The following SNX3 variants were observed in gnomAD, a reference collection of about 807,000 sequenced individuals.
The protein encoded by SNX3 is sorting nexin-3.
SNX3 carries 5 observed loss-of-function variants against 17.7 expected under a neutral mutation model. The ratio of observed to expected loss-of-function variants is 0.28; its 90% CI spans 0.15 to 0.59. SNX3 has a LOEUF of 0.59. Ranked by LOEUF, SNX3 falls within the 20% of genes least tolerant of loss-of-function variation. The pLI, the probability that SNX3 is intolerant of heterozygous loss-of-function variation, is 0.88. For missense variants in SNX3, 132 were observed against 206.8 expected, an observed-to-expected ratio of 0.64 and a Z score of 2.22; for synonymous variants, 91 against 76.5, an observed-to-expected ratio of 1.19 and a Z score of -0.99.
Position 108,260,765 on chromosome 6 carries a change from C to A in SNX3, c.157G>T (p.Val53Phe), listed in dbSNP as rs750300561. Reference sequence around the variant, plus strand: ...GAGGGGAGAGACGGCCTCACCTTGACCCTGATTTCGTAAGTGGTGAAGCGG... The same window carrying A: ...GAGGGGAGAGACGGCCTCACCTTGAACCTGATTTCGTAAGTGGTGAAGCGG... The part of the protein sequence containing the change: ...RGRFTTYEIR[V>F]KTNLPIFKLK... Residue 53 changes from valine (V) to phenylalanine (F), a missense_variant, in exon 1 of 4, where the codon GTC becomes TTC. Physicochemically the swap from Val to Phe is conservative, Grantham distance 50 (BLOSUM62 -1). Around this residue, in one of 2 missense-constraint regions of SNX3, gnomAD observed 78 missense variants for 88.8 expected, o/e 0.88. Coordinates refer to ENST00000230085, the MANE Select transcript of SNX3 (RefSeq NM_003795.6). 6.2e-7 allele frequency: 1 copy of A among 1,613,740 alleles called. No homozygotes were observed.
At chr6:108,248,366 G>T (rs894024362) in intron 1 of SNX3, among the ~76,000 whole-genome samples, 2 of 152,166 alleles carry the variant, frequency 1.3e-5, no homozygotes, top group Admixed American at 1.3e-4. Context: ...GGACAGTTCT[G>T]GGGAAAACTT....
chr6:108,213,991 T>G (rs1296045125), intron 3 of SNX3, among the ~76,000 whole-genome samples: 1 of 152,174 alleles, frequency 6.6e-6, no homozygotes, highest in Non-Finnish European at 1.5e-5. Flanking sequence ...CTAAAAATAT[T>G]GGTTTGAGCT....
chr6:108,244,998 T>C (rs903671771), intron 1 of SNX3, among the ~76,000 whole-genome samples: 6 of 152,030 alleles, frequency 3.9e-5, no homozygotes, highest in Non-Finnish European at 5.9e-5. Context: ...AACGTGCAGG[T>C]TTGTTACATA....
Position 108,211,972 on chromosome 6 carries a change from T to A in SNX3, c.*177A>T, listed in dbSNP as rs1357522017. ...TAGAAAGGCTGGAATGAGGGATTTTTACTAAAGCAAATTAACTTCTTGTCA... is the reference window on the plus strand; with the variant it reads ...TAGAAAGGCTGGAATGAGGGATTTTAACTAAAGCAAATTAACTTCTTGTCA... On this transcript the variant is annotated 3_prime_UTR_variant, in exon 4 of 4. Transcript: ENST00000230085. 4 of 519,900 alleles carry A rather than the reference T, an allele frequency of 7.7e-6. No homozygotes were observed. Among genetic ancestry groups the A allele is most frequent in the Non-Finnish European group, 1.4e-5 (4 of 296,108 alleles). The allele number at this position is 519,900 out of a possible 1,614,324, so 32.2% of individuals were successfully genotyped here. A position where few individuals can be genotyped will look rare whatever the true frequency, so the allele number is the denominator to read the frequency against.
chr6:108,217,266 G>A (rs1774617387), intron 2 of SNX3, among the ~76,000 whole-genome samples: 1 of 151,550 alleles, frequency 6.6e-6, no homozygotes, highest in South Asian at 2.1e-4. Flanking sequence ...GGGAATTTAA[G>A]AAAAGGATAG....
chr6:108,243,379 C>CA (rs1775580927), intron 1 of SNX3, among the ~76,000 whole-genome samples: 1 of 151,876 alleles, frequency 6.6e-6, no homozygotes, highest in African/African-American at 2.4e-5. Context: ...CAGTCCCAGA[C>CA]AAAAAAACAA....
Position 108,260,769 on chromosome 6 carries a change from G to A in SNX3, c.153C>T (p.Ile51=). The A allele has an allele frequency of 1.2e-6, 2 of 1,613,822 alleles. No homozygotes were observed. The highest frequency in any genetic ancestry group is 8.5e-7 in the Non-Finnish European group (1 of 1,179,816). Residue 51 remains isoleucine, a synonymous_variant, in exon 1 of 4, where the codon ATC becomes ATT. Transcript: ENST00000230085. ...GGAGAGACGGCCTCACCTTGACCCT[G>A]ATTTCGTAAGTGGTGAAGCGGCCCC... is the stretch of plus-strand genomic sequence containing the variant. ...VGRGRFTTYE[I]RVKTNLPIFK...
chr6:108,259,776 A>C (rs1776135085), intron 1 of SNX3, among the ~76,000 whole-genome samples: 1 of 152,242 alleles, frequency 6.6e-6, no homozygotes, highest in Admixed American at 6.5e-5. Flanking sequence ...GTGTAAGTTA[A>C]TGAGAATTTT....
chr6:108,217,748 C>CAA (rs571646125), intron 2 of SNX3, among the ~76,000 whole-genome samples: 7 of 66,690 alleles, frequency 1.0e-4, no homozygotes, highest in South Asian at 4.5e-4. Context: ...GACACCGTCT[C>CAA]AAAAAAAAAA....
chr6:108,258,244 G>A (rs1332706062), intron 1 of SNX3, among the ~76,000 whole-genome samples: 2 of 152,010 alleles, frequency 1.3e-5, no homozygotes, highest in Non-Finnish European at 2.9e-5. Flanking sequence ...TGGATCACGA[G>A]GTCAGGAGTT....
intron 1 of SNX3, among the ~76,000 whole-genome samples, chr6:108,259,601 T>C (rs894575109): frequency 1.3e-5 from 2 of 152,242 alleles, no homozygotes; most frequent in Non-Finnish European, 2.9e-5. Context: ...TCGTTTCATA[T>C]CTTAAAGTTT....
At chr6:108,259,490 C>G (rs1384408767) in intron 1 of SNX3, among the ~76,000 whole-genome samples, 1 of 152,194 alleles carries the variant, frequency 6.6e-6, no homozygotes, top group Admixed American at 6.5e-5. Context: ...GCTCGGCCTC[C>G]CAAAGTGCTG....
intron 1 of SNX3, among the ~76,000 whole-genome samples, chr6:108,223,870 T>C (rs1366485891): frequency 6.6e-6 from 1 of 152,172 alleles, no homozygotes; most frequent in Non-Finnish European, 1.5e-5. Flanking sequence ...TGCTTTTGGA[T>C]GTCATTCTGC....
At chr6:108,217,699 C>T (rs1047729545) in intron 2 of SNX3, among the ~76,000 whole-genome samples, 3 of 149,586 alleles carry the variant, frequency 2.0e-5, no homozygotes, top group South Asian at 4.2e-4. Context: ...TGCAGTAAGC[C>T]GGGACTGCAC....
intron 1 of SNX3, among the ~76,000 whole-genome samples, chr6:108,258,874 A>C (rs953979817): frequency 2.0e-4 from 30 of 152,094 alleles, no homozygotes; most frequent in Non-Finnish European, 2.9e-4. Flanking sequence ...AAAAAAAAAG[A>C]GGATTAAATT....
intron 1 of SNX3, 30 bp from the exon 2 acceptor site, chr6:108,223,075 A>AATTT: frequency 8.0e-7 from 1 of 1,250,518 alleles, no homozygotes; most frequent in Non-Finnish European, 1.2e-6. Flanking sequence ...TCCTAAATTG[A>AATTT]AGCACATTAA....
chr6:108,231,611 G>T (rs1775161216), intron 1 of SNX3, among the ~76,000 whole-genome samples: 1 of 152,204 alleles, frequency 6.6e-6, no homozygotes, highest in African/African-American at 2.4e-5. Flanking sequence ...CCATTACTGG[G>T]TCACTTGGTA....
intron 2 of SNX3, among the ~76,000 whole-genome samples, chr6:108,219,378 G>A (rs547555677): frequency 6.6e-6 from 1 of 152,308 alleles, no homozygotes; most frequent in Admixed American, 6.5e-5. Context: ...GGCCAAGGCA[G>A]GAGGATTACT....
At chr6:108,251,902 A>G (rs1001476794) in intron 1 of SNX3, among the ~76,000 whole-genome samples, 2 of 151,970 alleles carry the variant, frequency 1.3e-5, no homozygotes, top group Non-Finnish European at 1.5e-5. Context: ...TCTTTACTAA[A>G]AATACAAAAA....
Sources: gnomAD v4.1 joint callset for allele counts (sites outside exome capture counted in the v4.1 genomes callset) on GRCh38, gnomAD v4.1.1 for gene constraint, gnomAD v4.1.1 regional missense constraint, MANE v1.5 for transcripts, NCBI Gene and HGNC (gene_info 2026-07-23, HGNC 2026-07-21) for gene names.